The following IGDCC3 variants were observed in gnomAD, a reference collection of about 807,000 sequenced individuals.
IGDCC3 encodes the protein putative neuronal cell adhesion molecule.
In IGDCC3, 47 loss-of-function variants were observed where a neutral mutation model predicts 72.0. The observed-to-expected ratio is 0.65, with a 90% CI of 0.52 to 0.83. The LOEUF is 0.83. Among genes scored for constraint, IGDCC3 ranks in the 40% least tolerant of loss-of-function variants. The probability of loss-of-function intolerance (pLI) is 0.00; values close to 1 mark genes in which losing one functional copy is unlikely to be tolerated. For synonymous variants in IGDCC3, 477 were observed against 472.8 expected (o/e 1.01, Z -0.11); for missense variants, 1,038 against 1,091.3 (o/e 0.95, Z 0.69).
chr15:65,327,607 CTTT>C lies in IGDCC3; in HGVS notation c.*1299_*1301del, dbSNP rs562558042. The C allele has an allele frequency of 7.9e-5, 12 of 152,618 alleles. No individual in the cohort carries two copies. Among genetic ancestry groups the C allele is most frequent in the South Asian group, 2.1e-4 (1 of 4,830 alleles). 9.5% of individuals were successfully genotyped at this position (152,618 alleles called of 1,614,324 possible). ...GTTTCCTTGGTTTTCTTTTCTTCTT[CTTT>C]AACTAAGTAGTTCAAAGAACAACAC... On this transcript the variant is annotated 3_prime_UTR_variant, in exon 14 of 14. Coordinates refer to ENST00000327987, the MANE Select transcript of IGDCC3 (RefSeq NM_004884.4).
intron 2 of IGDCC3, among the ~76,000 whole-genome samples, chr15:65,365,212 C>G (rs991012793): frequency 6.6e-6 from 1 of 152,030 alleles, no homozygotes; most frequent in Non-Finnish European, 1.5e-5. Flanking sequence ...TTGGGAATTT[C>G]AGGATTCTAT....
Position 65,339,347 on chromosome 15 carries a change from T to C in IGDCC3, c.410-3391A>G, listed in dbSNP as rs1315813785. Among the ~76,000 whole-genome samples, 1 of 152,244 alleles carries C rather than the reference T, an allele frequency of 6.6e-6. No homozygotes were observed. On this transcript the variant is annotated intron_variant, in intron 2 of 13. Transcript: ENST00000327987. This position sits in a 1 kb window ranked among gnomAD's most constrained non-coding sequence, Gnocchi z 4.1. ...CGCCCGCCTTGGCTTCCCAAAGTGCTGGGATTCCAGGCGTGAGCTACTGTG... is the reference window on the plus strand; with the variant it reads ...CGCCCGCCTTGGCTTCCCAAAGTGCCGGGATTCCAGGCGTGAGCTACTGTG...
At chr15:65,336,949 C>A (rs1039647452) in intron 2 of IGDCC3, among the ~76,000 whole-genome samples, 1 of 152,180 alleles carries the variant, frequency 6.6e-6, no homozygotes, top group African/African-American at 2.4e-5. Flanking sequence ...TCTGTCCAGG[C>A]AGGCAGCCCC....
At chr15:65,367,631 G>A (rs1387289390) in intron 2 of IGDCC3, among the ~76,000 whole-genome samples, 4 of 152,010 alleles carry the variant, frequency 2.6e-5, no homozygotes, top group African/African-American at 7.3e-5. Flanking sequence ...CCCGCCACCC[G>A]CTGGCCACTC....
chr15:65,355,818 T>A, intron 2 of IGDCC3: 1 of 451,956 alleles, frequency 2.2e-6, no homozygotes, highest in South Asian at 1.6e-5. Flanking sequence ...AACGAGGGTT[T>A]GATGTCGCTG....
rs532955746 is a variant in IGDCC3, at chr15:65,366,512, G to C, written c.409+8585C>G. ...GATATGAAAGACCAATATATGAAAT[G>C]TGGCCTCACAGGAAGGCAGAGGGGG... On this transcript the variant is annotated intron_variant, in intron 2 of 13. Transcript: ENST00000327987. Among the ~76,000 whole-genome samples the C allele has an allele frequency of 2.0e-5, 3 of 152,278 alleles. No individual in the cohort carries two copies. The East Asian group carries it at 5.8e-4, about 29-fold the overall frequency.
At chr15:65,342,922 G>A (rs575676383) in intron 2 of IGDCC3, among the ~76,000 whole-genome samples, 1 of 152,070 alleles carries the variant, frequency 6.6e-6, no homozygotes, top group Non-Finnish European at 1.5e-5. Flanking sequence ...CGACCTCTTG[G>A]GCTCAGAACT....
At chr15:65,376,771 G>T (rs968657547) in intron 1 of IGDCC3, among the ~76,000 whole-genome samples, 3 of 152,208 alleles carry the variant, frequency 2.0e-5, no homozygotes, top group African/African-American at 7.2e-5. Context: ...TTTCCTTGAT[G>T]CGGACGCGAG....
intron 2 of IGDCC3, among the ~76,000 whole-genome samples, chr15:65,337,030 G>T (rs1472697745): frequency 1.3e-5 from 2 of 152,188 alleles, no homozygotes; most frequent in Non-Finnish European, 2.9e-5. Context: ...ACAGCAGCAG[G>T]GACACTGGAG....
At chr15:65,374,876 C>T (rs1333116919) in intron 2 of IGDCC3, among the ~76,000 whole-genome samples, 4 of 152,192 alleles carry the variant, frequency 2.6e-5, no homozygotes, top group Non-Finnish European at 4.4e-5. Context: ...GGGTGTTTGG[C>T]TACATTCTTG....
intron 8 of IGDCC3, 34 bp from the exon 9 acceptor site, chr15:65,331,248 A>G (rs2090975372): frequency 1.2e-6 from 2 of 1,609,054 alleles, no homozygotes; most frequent in Non-Finnish European, 1.7e-6. Context: ...GGGAGTGTGA[A>G]GGACTGGGGG....
intron 2 of IGDCC3, among the ~76,000 whole-genome samples, chr15:65,351,431 G>A (rs1006556595): frequency 1.4e-4 from 21 of 151,940 alleles, no homozygotes; most frequent in African/African-American, 2.4e-4. Context: ...CTACTTGGGA[G>A]GCTGAGGCAG....
chr15:65,357,883 CTAGT>C (rs768573337), intron 2 of IGDCC3, among the ~76,000 whole-genome samples: 3 of 152,164 alleles, frequency 2.0e-5, no homozygotes, highest in Non-Finnish European at 4.4e-5. Flanking sequence ...ACCTATCTGC[CTAGT>C]TAGTCAGTTT....
chr15:65,375,642 T>A (rs1595768243), intron 1 of IGDCC3, among the ~76,000 whole-genome samples: 1 of 152,258 alleles, frequency 6.6e-6, no homozygotes, highest in South Asian at 2.1e-4. Flanking sequence ...TTTGTACTAT[T>A]TCCTCTTTCA....
chr15:65,327,999 T>G lies in IGDCC3; in HGVS notation c.*910A>C, dbSNP rs1414404590. The G allele has an allele frequency of 6.5e-6, 1 of 152,736 alleles. No individual in the cohort carries two copies. The highest frequency in any genetic ancestry group is 1.5e-5 in the Non-Finnish European group (1 of 68,086). 9.5% of individuals were successfully genotyped at this position (152,736 alleles called of 1,614,324 possible). A position where few individuals can be genotyped will look rare whatever the true frequency, so the allele number is the denominator to read the frequency against. ...GGCGGTGTGCTGGGAGGTGGCTCGT[T>G]TGGACAATTTATACTTCAAGGAACA... On this transcript the variant is annotated 3_prime_UTR_variant, in exon 14 of 14. Transcript: ENST00000327987.
Position 65,333,567 on chromosome 15 carries a change from A to G in IGDCC3, c.824-152T>C, listed in dbSNP as rs539577308. ...CCCCTTCCCTCCTAGGCACCTTAAC[A>G]TGGAAGAGGCAGCAGAGAGCAGCAC... On this transcript the variant is annotated intron_variant, in intron 5 of 13. Coordinates refer to ENST00000327987, the MANE Select transcript of IGDCC3 (RefSeq NM_004884.4). 49 of 697,640 alleles carry G rather than the reference A, an allele frequency of 7.0e-5. No homozygotes were observed. In the South Asian group the frequency reaches 9.0e-4, roughly 13 times the overall value. The allele number at this position is 697,640 out of a possible 1,614,324, so 43.2% of individuals were successfully genotyped here. A position where few individuals can be genotyped will look rare whatever the true frequency, so the allele number is the denominator to read the frequency against.
At chr15:65,336,929 C>T (rs1255678589) in intron 2 of IGDCC3, among the ~76,000 whole-genome samples, 1 of 152,194 alleles carries the variant, frequency 6.6e-6, no homozygotes, top group Non-Finnish European at 1.5e-5. Flanking sequence ...TGCAGGAAGG[C>T]GGTACACCAT....
At chr15:65,358,580 T>A (rs911153921) in intron 2 of IGDCC3, among the ~76,000 whole-genome samples, 4 of 152,202 alleles carry the variant, frequency 2.6e-5, no homozygotes, top group African/African-American at 9.7e-5. Context: ...ATAAATTATA[T>A]TTTGAGAAAT....
chr15:65,339,382 T>C lies in IGDCC3; in HGVS notation c.410-3426A>G, dbSNP rs2091059136. On this transcript the variant is annotated intron_variant, in intron 2 of 13. Transcript: ENST00000327987. The surrounding 1 kb of genome is among the most constrained non-coding windows in gnomAD (Gnocchi z 4.1). Reference sequence around the variant, plus strand: ...GGCGTGAGCTACTGTGCCTGGCCAATTTTTGTATTTCTTATAGAGACAGGG... The same window carrying C: ...GGCGTGAGCTACTGTGCCTGGCCAACTTTTGTATTTCTTATAGAGACAGGG... Among the ~76,000 whole-genome samples the C allele has an allele frequency of 6.6e-6, 1 of 152,326 alleles. No homozygotes were observed. Among genetic ancestry groups the C allele is most frequent in the African/African-American group, 2.4e-5 (1 of 41,568 alleles).
Sources: gnomAD v4.1 joint callset for allele counts (sites outside exome capture counted in the v4.1 genomes callset) on GRCh38, gnomAD v4.1.1 for gene constraint, Gnocchi (gnomAD v3.1) non-coding constraint, MANE v1.5 for transcripts, NCBI Gene and HGNC (gene_info 2026-07-23, HGNC 2026-07-21) for gene names.